MYO1B: variants seen among roughly 807,000 people sequenced by gnomAD.
MYO1B encodes unconventional myosin-Ib.
A neutral mutation model predicts 159.7 loss-of-function variants in MYO1B; 72 were observed. That is an observed-to-expected ratio of 0.45 (90% CI 0.37 to 0.55). The LOEUF is 0.55. Among genes scored for constraint, MYO1B ranks in the 20% least tolerant of loss-of-function variants. The pLI is 0.00. For synonymous variants in MYO1B, 468 were observed against 473.8 expected, an observed-to-expected ratio of 0.99 and a Z score of 0.16; for missense variants, 1,062 against 1,364.8, an observed-to-expected ratio of 0.78 and a Z score of 3.50.
intron 7 of MYO1B, 60 bp downstream of exon 7, chr2:191,350,285 G>C: frequency 7.8e-7 from 1 of 1,280,390 alleles, no homozygotes; most frequent in Non-Finnish European, 1.1e-6. Context: ...TATATTTATA[G>C]TAGAATAGTT....
intron 26 of MYO1B, among the ~76,000 whole-genome samples, chr2:191,409,461 G>C (rs1472793539): frequency 1.3e-5 from 2 of 152,194 alleles, no homozygotes; most frequent in Non-Finnish European, 2.9e-5. Flanking sequence ...AAGTAGTTCA[G>C]TTTTTTGTTC....
chr2:191,251,698 C>T (rs180803053), intron 1 of MYO1B, among the ~76,000 whole-genome samples: 140 of 152,276 alleles, frequency 9.2e-4, no homozygotes, highest in Non-Finnish European at 1.8e-3. Flanking sequence ...AATGCAATAT[C>T]TTTAAAGACT....
At chr2:191,262,242 C>CACAATCCCACAGGAGCTCAACTTT (rs1686857778) in intron 1 of MYO1B, among the ~76,000 whole-genome samples, 1 of 152,148 alleles carries the variant, frequency 6.6e-6, no homozygotes, top group Non-Finnish European at 1.5e-5. Flanking sequence ...TTGGGGCAGA[C>CACAATCCCACAGGAGCTCAACTTT]ACAATCCCAC....
chr2:191,317,641 A>G (rs2125883005), intron 3 of MYO1B, among the ~76,000 whole-genome samples: 1 of 152,078 alleles, frequency 6.6e-6, no homozygotes, highest in Admixed American at 6.5e-5. Flanking sequence ...CCTCCACCCC[A>G]CATTTTGACT....
chr2:191,280,084 C>T (rs1428087047), intron 2 of MYO1B, among the ~76,000 whole-genome samples: 2 of 152,150 alleles, frequency 1.3e-5, no homozygotes, highest in African/African-American at 2.4e-5. Flanking sequence ...CTGTATCTTC[C>T]CAGAGCTCTC....
At chr2:191,397,180 ATTT>A (rs1461333799) in intron 21 of MYO1B, among the ~76,000 whole-genome samples, 1 of 16,408 alleles carries the variant, frequency 6.1e-5, no homozygotes, top group Non-Finnish European at 1.7e-4. Context: ...TATTTTTTTT[ATTT>A]TTTATTTTAT....
chr2:191,326,249 T>C (rs898766249), intron 3 of MYO1B, among the ~76,000 whole-genome samples: 12 of 152,210 alleles, frequency 7.9e-5, no homozygotes, highest in African/African-American at 2.9e-4. Context: ...CAGAGTGGCT[T>C]GGAAGACTGG....
At chr2:191,411,027 A>G (rs921965670) in intron 26 of MYO1B, 39 bp from the exon 27 acceptor site, 8 of 1,153,122 alleles carry the variant, frequency 6.9e-6, no homozygotes, top group South Asian at 5.5e-5. Context: ...ATTTATTTAT[A>G]TAAATGATGT....
At chr2:191,265,938 G>C (rs1357610923) in intron 1 of MYO1B, among the ~76,000 whole-genome samples, 2 of 152,028 alleles carry the variant, frequency 1.3e-5, no homozygotes, top group Non-Finnish European at 2.9e-5. Context: ...GGACCTTCTA[G>C]GGTTGTGGCA....
intron 23 of MYO1B, among the ~76,000 whole-genome samples, 171 bp downstream of exon 23, chr2:191,401,006 G>A (rs1266427453): frequency 6.6e-6 from 1 of 152,138 alleles, no homozygotes; most frequent in Non-Finnish European, 1.5e-5. Context: ...GTATGCATAG[G>A]AAGCTTAGGC....
chr2:191,270,433 T>C (rs960962388), intron 1 of MYO1B, among the ~76,000 whole-genome samples: 6 of 152,154 alleles, frequency 3.9e-5, no homozygotes, highest in Admixed American at 3.3e-4. Context: ...CGTGAGTTCC[T>C]AGAGGGTGAT....
intron 1 of MYO1B, among the ~76,000 whole-genome samples, chr2:191,261,253 G>A (rs1686793742): frequency 6.6e-6 from 1 of 152,134 alleles, no homozygotes; most frequent in Non-Finnish European, 1.5e-5. Flanking sequence ...AAACATGTGT[G>A]CCAAAAGAAT....
At chr2:191,278,713 C>T (rs1382258976) in intron 2 of MYO1B, among the ~76,000 whole-genome samples, 1 of 152,252 alleles carries the variant, frequency 6.6e-6, no homozygotes, top group Non-Finnish European at 1.5e-5. Flanking sequence ...CATTGTTTGG[C>T]TTGGCAGTAC....
chr2:191,420,477 A>G (rs560284693), intron 30 of MYO1B, among the ~76,000 whole-genome samples: 6 of 152,264 alleles, frequency 3.9e-5, no homozygotes, highest in South Asian at 4.1e-4. Flanking sequence ...TACCTTTTCT[A>G]TTCTTACTAA....
At chr2:191,378,612 C>T (rs567252735) in intron 13 of MYO1B, among the ~76,000 whole-genome samples, 5 of 152,248 alleles carry the variant, frequency 3.3e-5, no homozygotes, top group East Asian at 1.9e-4. Context: ...TGGATATATA[C>T]GTGCTGGTCA....
At chr2:191,259,974 G>A (rs180836426) in intron 1 of MYO1B, among the ~76,000 whole-genome samples, 9 of 152,244 alleles carry the variant, frequency 5.9e-5, no homozygotes, top group Admixed American at 3.9e-4. Context: ...GCAGCTACGT[G>A]TGGTGGAAGC....
intron 2 of MYO1B, among the ~76,000 whole-genome samples, chr2:191,292,127 C>A (rs1688722293): frequency 6.6e-6 from 1 of 152,164 alleles, no homozygotes; most frequent in South Asian, 2.1e-4. Context: ...GATATCTGAA[C>A]TGTATAAAGT....
At chr2:191,350,475 T>A (rs1052847246) in intron 7 of MYO1B, 11 of 260,098 alleles carry the variant, frequency 4.2e-5, no homozygotes, top group Non-Finnish European at 6.5e-5. Flanking sequence ...TTTGCGCTAC[T>A]GTTTTTTATA....
At chr2:191,416,452 A>T in intron 30 of MYO1B, 1 of 555,558 alleles carries the variant, frequency 1.8e-6, no homozygotes. Flanking sequence ...CAGTATGTAC[A>T]AATAAAATGA....
Sources: allele counts gnomAD v4.1 joint callset (sites outside exome capture counted in the v4.1 genomes callset), GRCh38; gene constraint gnomAD v4.1.1; transcripts MANE v1.5; gene names NCBI Gene and HGNC (gene_info 2026-07-23, HGNC 2026-07-21).